Variants in PCLO observed in about 807,000 individuals in gnomAD.
PCLO encodes the protein piccolo presynaptic cytomatrix protein.
In PCLO, 82 loss-of-function variants were observed where a neutral mutation model predicts 427.5. That is an observed-to-expected ratio of 0.19 (90% CI 0.16 to 0.23). The LOEUF (loss-of-function observed/expected upper bound fraction) is 0.23. Among genes scored for constraint, PCLO ranks in the 10% least tolerant of loss-of-function variants. PCLO has a pLI of 1.00. For missense variants in PCLO, 6,239 were observed against 6,115.9 expected, an observed-to-expected ratio of 1.02 and a Z score of -0.67; for synonymous variants, 2,357 against 2,155.4, an observed-to-expected ratio of 1.09 and a Z score of -2.59.
chr7:82,893,537 C>T (rs1015138821), intron 9 of PCLO, among the ~76,000 whole-genome samples: 2 of 151,416 alleles, frequency 1.3e-5, no homozygotes, highest in African/African-American at 4.9e-5. Context: ...CAAACCTTCA[C>T]GTTGTGCACA....
intron 21 of PCLO, among the ~76,000 whole-genome samples, chr7:82,803,020 C>T (rs1029077607): frequency 6.6e-6 from 1 of 152,008 alleles, no homozygotes; most frequent in Admixed American, 6.6e-5. Flanking sequence ...CCAACATTTC[C>T]ATTTTACCAT....
intron 3 of PCLO, among the ~76,000 whole-genome samples, chr7:83,128,421 CTAATT>C (rs2116592407): frequency 6.6e-6 from 1 of 152,172 alleles, no homozygotes; most frequent in South Asian, 2.1e-4. Flanking sequence ...CAAGAACATC[CTAATT>C]TGAGTTAGCA....
chr7:82,879,552 G>T, intron 9 of PCLO, 90 bp from the exon 10 acceptor site: 7 of 865,456 alleles, frequency 8.1e-6, no homozygotes, highest in Non-Finnish European at 1.2e-5. Flanking sequence ...AGTAGGTCTG[G>T]TATCCAGAAG....
chr7:83,160,377 C>T lies in PCLO; in HGVS notation c.248+1968G>A, dbSNP rs1363891195. Among the ~76,000 whole-genome samples, 4 of 152,056 alleles carry T rather than the reference C, an allele frequency of 2.6e-5. No homozygotes were observed. In the East Asian group the frequency reaches 5.8e-4, roughly 22 times the overall value. ...AAAACTTCAAATAATTTGTGTATGC[C>T]GTCCTATATTAATTAAATTTACATA... On this transcript the variant is annotated intron_variant, in intron 1 of 24. Transcript: ENST00000333891.
At chr7:83,017,177 G>A (rs1788229692) in intron 3 of PCLO, among the ~76,000 whole-genome samples, 1 of 152,106 alleles carries the variant, frequency 6.6e-6, no homozygotes, top group Admixed American at 6.6e-5. Flanking sequence ...TGCTTTAGAT[G>A]AATTAGCAGT....
chr7:82,849,280 C>T (rs2107069), intron 10 of PCLO, among the ~76,000 whole-genome samples: 59,013 of 151,884 alleles, frequency 0.39, 12,617 homozygotes, highest in East Asian at 0.7. Flanking sequence ...TTAATAAAAT[C>T]TCTTAAAAAA....
intron 10 of PCLO, among the ~76,000 whole-genome samples, chr7:82,878,971 G>A (rs1793436719): frequency 6.6e-6 from 1 of 152,070 alleles, no homozygotes; most frequent in South Asian, 2.1e-4. Flanking sequence ...AGTGTGTACT[G>A]GATCATTTGA....
chr7:82,786,563 ATAAT>A (rs1790988103), intron 22 of PCLO, among the ~76,000 whole-genome samples: 1 of 152,162 alleles, frequency 6.6e-6, no homozygotes. Context: ...TGCAAAATGA[ATAAT>A]TAGTGACTCA....
intron 16 of PCLO, among the ~76,000 whole-genome samples, chr7:82,834,821 C>T (rs1780638360): frequency 6.6e-6 from 1 of 152,142 alleles, no homozygotes; most frequent in Non-Finnish European, 1.5e-5. Context: ...TGCTAATATA[C>T]TACAGCAAGC....
chr7:83,153,218 T>C (rs1220972021), intron 2 of PCLO, among the ~76,000 whole-genome samples: 1 of 150,228 alleles, frequency 6.7e-6, no homozygotes. Context: ...TATAAACATA[T>C]GTATATGTAT....
intron 6 of PCLO, 61 bp downstream of exon 6, chr7:82,949,415 T>A: frequency 7.6e-7 from 1 of 1,319,070 alleles, no homozygotes; most frequent in Admixed American, 2.3e-5. Context: ...CTCCTAAAAG[T>A]CTGAAAACAC....
intron 10 of PCLO, among the ~76,000 whole-genome samples, chr7:82,862,042 T>A (rs1281467890): frequency 2.0e-5 from 3 of 151,800 alleles, no homozygotes; most frequent in Non-Finnish European, 4.4e-5. Flanking sequence ...ATGACGCATC[T>A]TAAAGAACTA....
Position 82,757,580 on chromosome 7 carries a change from A to G in PCLO, c.*995T>C, listed in dbSNP as rs1790344959. The G allele has an allele frequency of 6.6e-6, 1 of 152,002 alleles. No individual in the cohort carries two copies. Among genetic ancestry groups the G allele is most frequent in the Non-Finnish European group, 1.5e-5 (1 of 67,940 alleles). 9.4% of individuals were successfully genotyped at this position (152,002 alleles called of 1,614,324 possible). A position where few individuals can be genotyped will look rare whatever the true frequency, so the allele number is the denominator to read the frequency against. ...AAGATTAATATGGTTTGTTTGCCAG[A>G]GAAAGAATTTTCTTTCTCTGTCAAT... On this transcript the variant is annotated 3_prime_UTR_variant, in exon 25 of 25. Transcript: ENST00000333891.
chr7:82,938,290 C>A (rs1795002453), intron 6 of PCLO, among the ~76,000 whole-genome samples: 1 of 151,914 alleles, frequency 6.6e-6, no homozygotes, highest in African/African-American at 2.4e-5. Flanking sequence ...GTCTTAGAAG[C>A]AAGACACTGT....
At chr7:82,810,637 TTTAAA>T in intron 20 of PCLO, among the ~76,000 whole-genome samples, 1 of 151,866 alleles carries the variant, frequency 6.6e-6, no homozygotes, top group African/African-American at 2.4e-5. Context: ...TTCAATCTGT[TTTAAA>T]TTATTCTTTG....
At chr7:82,944,493 A>ATT (rs1386695954) in intron 6 of PCLO, among the ~76,000 whole-genome samples, 1 of 152,150 alleles carries the variant, frequency 6.6e-6, no homozygotes, top group Non-Finnish European at 1.5e-5. Context: ...ATCTTAGATG[A>ATT]TGATAGGCAA....
intron 4 of PCLO, among the ~76,000 whole-genome samples, chr7:82,963,313 T>C (rs889830820): frequency 6.6e-6 from 1 of 152,098 alleles, no homozygotes; most frequent in Non-Finnish European, 1.5e-5. Context: ...CAATGGGTTT[T>C]AAAATCATTT....
At chr7:82,817,436 G>A (rs1379947279) in intron 20 of PCLO, among the ~76,000 whole-genome samples, 2 of 151,994 alleles carry the variant, frequency 1.3e-5, no homozygotes, top group African/African-American at 2.4e-5. Context: ...GACCAGAAGT[G>A]ATCATCTGCT....
chr7:83,130,475 C>T (rs1791544326), intron 3 of PCLO, among the ~76,000 whole-genome samples: 1 of 152,188 alleles, frequency 6.6e-6, no homozygotes, highest in Non-Finnish European at 1.5e-5. Flanking sequence ...CTGTGCTGAC[C>T]AGTCTCCATT....
Sources: allele counts gnomAD v4.1 joint callset (sites outside exome capture counted in the v4.1 genomes callset), GRCh38; gene constraint gnomAD v4.1.1; transcripts MANE v1.5; gene names NCBI Gene and HGNC (gene_info 2026-07-23, HGNC 2026-07-21).